PHKA1: variants seen among roughly 807,000 people sequenced by gnomAD.
PHKA1 encodes phosphorylase b kinase regulatory subunit alpha, skeletal muscle isoform.
PHKA1 carries 60 observed loss-of-function variants against 110.2 expected under a neutral mutation model. The observed-to-expected ratio is 0.54, with a 90% CI of 0.44 to 0.68. The LOEUF is 0.68. Among genes scored for constraint, PHKA1 ranks in the 30% least tolerant of loss-of-function variants. PHKA1 has a pLI of 0.00. For synonymous variants in PHKA1, 316 were observed against 333.6 expected (o/e 0.95, Z 0.58); for missense variants, 801 against 942.5 (o/e 0.85, Z 1.97).
intron 16 of PHKA1, among the ~76,000 whole-genome samples, chrX:72,628,062 T>G (rs1370845878): frequency 7.3e-5 from 8 of 110,064 alleles, no homozygotes; most frequent in African/African-American, 2.6e-4. Context: ...ATCTCCTGAT[T>G]TCGTGATCCA....
intron 24 of PHKA1, 66 bp from the exon 25 acceptor site, chrX:72,605,466 T>G: frequency 2.5e-6 from 3 of 1,178,238 alleles, no homozygotes; most frequent in Non-Finnish European, 3.5e-6. Flanking sequence ...TTTGTTGTCT[T>G]TGGAAATTGC....
intron 4 of PHKA1, among the ~76,000 whole-genome samples, chrX:72,692,363 T>A (rs781980404): frequency 2.7e-5 from 3 of 111,977 alleles, no homozygotes; most frequent in Non-Finnish European, 5.6e-5. Flanking sequence ...CTTCACAGAA[T>A]GAGGTTGCAA....
intron 13 of PHKA1, among the ~76,000 whole-genome samples, chrX:72,644,950 G>A (rs2053342989): frequency 9.0e-6 from 1 of 111,689 alleles, no homozygotes; most frequent in Non-Finnish European, 1.9e-5. Flanking sequence ...TAGAAGGCAT[G>A]GTGAATTGGG....
intron 8 of PHKA1, among the ~76,000 whole-genome samples, chrX:72,660,187 CT>C (rs1250538215): frequency 1.8e-5 from 2 of 111,809 alleles, no homozygotes; most frequent in African/African-American, 6.5e-5. Flanking sequence ...AAATTTACTT[CT>C]TGTGGCATAC....
At chrX:72,681,392 G>C (rs1241768070) in intron 5 of PHKA1, among the ~76,000 whole-genome samples, 9 of 109,991 alleles carry the variant, frequency 8.2e-5, no homozygotes, top group Admixed American at 3.8e-4. Context: ...TGGGAGGGAG[G>C]TGGGGGGGGG....
chrX:72,633,130 T>C (rs1177608762), intron 16 of PHKA1, among the ~76,000 whole-genome samples: 1 of 111,755 alleles, frequency 8.9e-6, no homozygotes, highest in Non-Finnish European at 1.9e-5. Context: ...AAAATGTCTC[T>C]GATTCTATCA....
chrX:72,582,937 G>A (rs782722426), intron 30 of PHKA1, among the ~76,000 whole-genome samples: 10 of 111,538 alleles, frequency 9.0e-5, no homozygotes, highest in East Asian at 2.8e-4. Context: ...ACATGGGAAC[G>A]GCATATCATG....
chrX:72,674,567 G>C (rs1198320719), intron 6 of PHKA1, among the ~76,000 whole-genome samples: 2 of 111,853 alleles, frequency 1.8e-5, no homozygotes, highest in Middle Eastern at 4.6e-3. Flanking sequence ...GTGATGATGA[G>C]CATTTTTTCA....
At chrX:72,708,932 G>T (rs1228380735) in intron 2 of PHKA1, among the ~76,000 whole-genome samples, 1 of 111,612 alleles carries the variant, frequency 9.0e-6, no homozygotes, top group African/African-American at 3.3e-5. Context: ...AAGTAATATT[G>T]CCTGGGTGGT....
intron 4 of PHKA1, 25 bp from the exon 5 acceptor site, chrX:72,684,605 C>T (rs782147635): frequency 1.1e-6 from 1 of 933,406 alleles, no homozygotes; most frequent in Non-Finnish European, 1.6e-6. Flanking sequence ...AATAAAGATA[C>T]AGAACTGGTC....
intron 3 of PHKA1, among the ~76,000 whole-genome samples, chrX:72,697,551 CT>C (rs1332125426): frequency 9.5e-6 from 1 of 105,585 alleles, no homozygotes; most frequent in Non-Finnish European, 1.9e-5. Flanking sequence ...AAGACCTTGT[CT>C]TTTTTTTGAG....
intron 29 of PHKA1, among the ~76,000 whole-genome samples, chrX:72,592,527 C>T (rs2052535563): frequency 8.9e-6 from 1 of 112,332 alleles, no homozygotes; most frequent in East Asian, 2.8e-4. Context: ...GCCAAATAGG[C>T]CTTCAAAAGA....
chrX:72,602,281 G>A lies in PHKA1; in HGVS notation c.2918-8C>T. 1 of 1,030,177 alleles carries A rather than the reference G, an allele frequency of 9.7e-7. No homozygotes were observed. The highest frequency in any genetic ancestry group is 3.0e-5 in the East Asian group (1 of 33,064). 84.9% of individuals were successfully genotyped at this position (1,030,177 alleles called of 1,213,427 possible). A position where few individuals can be genotyped will look rare whatever the true frequency, so the allele number is the denominator to read the frequency against. On this transcript the variant is annotated splice_polypyrimidine_tract_variant and splice_region_variant and intron_variant, in intron 26 of 31. Coordinates refer to ENST00000373542, the MANE Select transcript of PHKA1 (RefSeq NM_002637.4). ...TTGAATCAGTGGGACGAACTATGTA[G>A]TATGAGAGATTACAGAGAAAGAGAG...
intron 2 of PHKA1, among the ~76,000 whole-genome samples, chrX:72,706,946 G>C (rs902721669): frequency 6.3e-5 from 7 of 111,262 alleles, no homozygotes; most frequent in Non-Finnish European, 1.3e-4. Context: ...AGTATCGGGA[G>C]GTAGGAATGA....
chrX:72,604,003 T>A (rs1473358151), intron 25 of PHKA1, among the ~76,000 whole-genome samples: 1 of 110,298 alleles, frequency 9.1e-6, no homozygotes, highest in Non-Finnish European at 1.9e-5. Context: ...GACCCAGGGA[T>A]CTTGACTTTA....
intron 17 of PHKA1, 104 bp downstream of exon 17, chrX:72,626,867 A>T: frequency 1.5e-6 from 1 of 646,671 alleles, no homozygotes; most frequent in Middle Eastern, 3.0e-4. Flanking sequence ...ATTGTAGATA[A>T]GGGGGGACTA....
chrX:72,645,072 T>G (rs2053345072), intron 13 of PHKA1, among the ~76,000 whole-genome samples: 1 of 111,697 alleles, frequency 9.0e-6, no homozygotes, highest in Non-Finnish European at 1.9e-5. Context: ...CTTCTCTAGA[T>G]TCAGAGCCTG....
At chrX:72,697,712 C>T (rs1444526518) in intron 3 of PHKA1, among the ~76,000 whole-genome samples, 2 of 110,314 alleles carry the variant, frequency 1.8e-5, no homozygotes, top group Admixed American at 9.7e-5. Flanking sequence ...TGGCCGGGTG[C>T]GGTGGCTCAC....
chrX:72,696,689 T>C, intron 3 of PHKA1, among the ~76,000 whole-genome samples: 1 of 111,867 alleles, frequency 8.9e-6, no homozygotes, highest in East Asian at 2.8e-4. Context: ...CCAACTATTT[T>C]GGGCACAGGT....
Sources: allele counts gnomAD v4.1 joint callset (sites outside exome capture counted in the v4.1 genomes callset), GRCh38; gene constraint gnomAD v4.1.1; transcripts MANE v1.5; gene names NCBI Gene and HGNC (gene_info 2026-07-23, HGNC 2026-07-21).